FRAS1: variants seen among roughly 807,000 people sequenced by gnomAD.
FRAS1 encodes the protein Fraser extracellular matrix complex subunit 1, also known as extracellular matrix organizing protein FRAS1.
In FRAS1, 290 loss-of-function variants were observed where a neutral mutation model predicts 435.2. The ratio of observed to expected loss-of-function variants is 0.67; its 90% CI spans 0.61 to 0.73. The LOEUF is 0.73. Among genes scored for constraint, FRAS1 ranks in the 30% least tolerant of loss-of-function variants. FRAS1 has a pLI of 0.00. For missense variants in FRAS1, 4,860 were observed against 5,001.5 expected, an observed-to-expected ratio of 0.97 and a Z score of 0.85; for synonymous variants, 1,800 against 1,851.0, an observed-to-expected ratio of 0.97 and a Z score of 0.71.
chr4:78,430,203 C>A, intron 36 of FRAS1, 89 bp from the exon 37 acceptor site: 1 of 1,514,864 alleles, frequency 6.6e-7, no homozygotes, highest in Non-Finnish European at 9.1e-7. Context: ...CACAGCATGA[C>A]TCCTAGCCTG....
chr4:78,077,891 A>G (rs1489777265), intron 2 of FRAS1, among the ~76,000 whole-genome samples: 6 of 150,346 alleles, frequency 4.0e-5, no homozygotes, highest in African/African-American at 1.5e-4. Flanking sequence ...ACTGAAAGCA[A>G]TACAGCCTTG....
In FRAS1 at chr4:78,302,640, G is replaced by A. The variant is rs531637795; in HGVS notation, c.1535-5426G>A. ...GCATTTTTTCATGTGTCTTTTGGCT[G>A]CATAAATGTCTTCTTTTGAGAAATG... is the stretch of plus-strand genomic sequence containing the variant. On this transcript the variant is annotated intron_variant, in intron 14 of 73. Coordinates refer to ENST00000512123, the MANE Select transcript of FRAS1 (RefSeq NM_025074.7). 5.8e-3 allele frequency among the ~76,000 whole-genome samples: 884 copies of A among 152,130 alleles called. 8 individuals are homozygous for A. Among genetic ancestry groups the A allele is most frequent in the African/African-American group, 0.02 (819 of 41,506 alleles).
At chr4:78,213,817 C>G (rs189451297) in intron 2 of FRAS1, among the ~76,000 whole-genome samples, 5 of 152,274 alleles carry the variant, frequency 3.3e-5, no homozygotes, top group Admixed American at 3.3e-4. Context: ...TCCTCTATTG[C>G]TTTTGTTCAG....
At chr4:78,259,886 A>T in intron 6 of FRAS1, among the ~76,000 whole-genome samples, 1 of 152,132 alleles carries the variant, frequency 6.6e-6, no homozygotes, top group Admixed American at 6.5e-5. Context: ...ATTTTTGTAT[A>T]AGGTGTAAGG....
At chr4:78,210,069 T>G (rs184779963) in intron 2 of FRAS1, among the ~76,000 whole-genome samples, 2 of 152,264 alleles carry the variant, frequency 1.3e-5, no homozygotes, top group African/African-American at 4.8e-5. Flanking sequence ...CCTTCATCCT[T>G]CATGTGATGG....
At chr4:78,161,901 G>A (rs1267849246) in intron 2 of FRAS1, among the ~76,000 whole-genome samples, 2 of 151,980 alleles carry the variant, frequency 1.3e-5, no homozygotes, top group Non-Finnish European at 2.9e-5. Context: ...ATAAGGCAAA[G>A]TAGAAATTTT....
chr4:78,534,427 C>G (rs767991721), intron 70 of FRAS1, 22 bp from the exon 71 acceptor site: 1 of 1,604,528 alleles, frequency 6.2e-7, no homozygotes. Flanking sequence ...TCAAAGAGCT[C>G]TTTGTTTCTC....
chr4:78,365,456 G>A (rs1314894543), intron 22 of FRAS1, among the ~76,000 whole-genome samples: 1 of 152,096 alleles, frequency 6.6e-6, no homozygotes, highest in Non-Finnish European at 1.5e-5. Context: ...GCTCTTCACA[G>A]CAGTGGAATC....
At chr4:78,370,123 G>GT in intron 23 of FRAS1, 139 bp downstream of exon 23, 1 of 706,068 alleles carries the variant, frequency 1.4e-6, no homozygotes, top group African/African-American at 1.8e-5. Context: ...AATTGTGTGT[G>GT]TATGTATATA....
intron 2 of FRAS1, among the ~76,000 whole-genome samples, chr4:78,210,629 G>A (rs1480557635): frequency 1.3e-5 from 2 of 152,162 alleles, no homozygotes; most frequent in Non-Finnish European, 1.5e-5. Flanking sequence ...CTGAGAAGTT[G>A]GGGCCATAGG....
At chr4:78,334,739 T>C (rs187412129) in intron 19 of FRAS1, among the ~76,000 whole-genome samples, 1 of 152,200 alleles carries the variant, frequency 6.6e-6, no homozygotes, top group Admixed American at 6.5e-5. Flanking sequence ...ATCGTTTTCA[T>C]GGCTGCATAT....
At chr4:78,180,241 A>C (rs539515886) in intron 2 of FRAS1, among the ~76,000 whole-genome samples, 71 of 152,234 alleles carry the variant, frequency 4.7e-4, no homozygotes, top group Admixed American at 9.2e-4. Flanking sequence ...TCAAGTACTG[A>C]TATTTCTGTA....
chr4:78,181,748 G>T, intron 2 of FRAS1: 1 of 1,609,970 alleles, frequency 6.2e-7, no homozygotes, highest in Non-Finnish European at 8.5e-7. Flanking sequence ...TTTCTTAAGC[G>T]CCACGGGCGG....
At chr4:78,417,347 G>T (rs1733590676) in intron 32 of FRAS1, among the ~76,000 whole-genome samples, 1 of 152,130 alleles carries the variant, frequency 6.6e-6, no homozygotes, top group Non-Finnish European at 1.5e-5. Flanking sequence ...CTCTGAGAAT[G>T]TTCAGTTATT....
intron 24 of FRAS1, 136 bp from the exon 25 acceptor site, chr4:78,373,975 C>A: frequency 1.4e-6 from 1 of 711,698 alleles, no homozygotes; most frequent in East Asian, 2.9e-5. Flanking sequence ...ACCCAGACTC[C>A]TTGACTCTTC....
chr4:78,336,997 T>TAA (rs1303726760), intron 19 of FRAS1, among the ~76,000 whole-genome samples: 1 of 151,902 alleles, frequency 6.6e-6, no homozygotes, highest in Non-Finnish European at 1.5e-5. Context: ...TTCAGTGTTG[T>TAA]ATCTCTTGTT....
At chr4:78,119,285 T>A (rs1718874599) in intron 2 of FRAS1, among the ~76,000 whole-genome samples, 1 of 152,186 alleles carries the variant, frequency 6.6e-6, no homozygotes, top group African/African-American at 2.4e-5. Context: ...AGCTTCCTCC[T>A]CCCATCTAGC....
chr4:78,518,454 T>TATATATATATATATA (rs1560423230), intron 66 of FRAS1, among the ~76,000 whole-genome samples: 9 of 100,902 alleles, frequency 8.9e-5, no homozygotes, highest in African/African-American at 3.3e-4. Flanking sequence ...ATATATATAT[T>TATATATATATATATA]TATTTATTTA....
chr4:78,315,527 GAA>G, intron 15 of FRAS1, 65 bp from the exon 16 acceptor site: 1 of 1,513,582 alleles, frequency 6.6e-7, no homozygotes, highest in Non-Finnish European at 8.9e-7. Flanking sequence ...ATATTGTAAA[GAA>G]TAGACTTCAC....
Sources: gnomAD v4.1 joint callset for allele counts (sites outside exome capture counted in the v4.1 genomes callset) on GRCh38, gnomAD v4.1.1 for gene constraint, MANE v1.5 for transcripts, NCBI Gene and HGNC (gene_info 2026-07-23, HGNC 2026-07-21) for gene names.